Variants in BMP6 observed in about 807,000 individuals in gnomAD.
BMP6 encodes VG-1-R.
BMP6 carries 17 observed loss-of-function variants against 54.1 expected under a neutral mutation model. That is an observed-to-expected ratio of 0.31 (90% CI 0.22 to 0.47). BMP6 has a LOEUF of 0.47. Ranked by LOEUF, BMP6 falls within the 20% of genes least tolerant of loss-of-function variation. The pLI, the probability that BMP6 is intolerant of heterozygous loss-of-function variation, is 1.00. For synonymous variants in BMP6, 328 were observed against 291.2 expected (o/e 1.13, Z -1.28); for missense variants, 720 against 690.4 (o/e 1.04, Z -0.48).
intron 1 of BMP6, among the ~76,000 whole-genome samples, chr6:7,831,081 A>T (rs901961858): frequency 1.3e-5 from 2 of 152,248 alleles, no homozygotes; most frequent in South Asian, 4.1e-4. Context: ...TGGATAAACA[A>T]AATGTGGCAT....
intron 1 of BMP6, among the ~76,000 whole-genome samples, chr6:7,777,974 G>A (rs966550001): frequency 1.3e-5 from 2 of 152,090 alleles, no homozygotes; most frequent in African/African-American, 4.8e-5. Context: ...TTCCCAAAAT[G>A]AGTGCTAATA....
At chr6:7,839,610 G>A (rs2113247335) in intron 1 of BMP6, among the ~76,000 whole-genome samples, 1 of 152,290 alleles carries the variant, frequency 6.6e-6, no homozygotes, top group Admixed American at 6.5e-5. Flanking sequence ...AATGTCCTCG[G>A]GGTTCATGTG....
chr6:7,837,227 T>C (rs908389148), intron 1 of BMP6, among the ~76,000 whole-genome samples: 2 of 152,238 alleles, frequency 1.3e-5, no homozygotes, highest in African/African-American at 4.8e-5. Context: ...TTTGTGTTTG[T>C]AGTTTGAGAT....
intron 1 of BMP6, among the ~76,000 whole-genome samples, chr6:7,759,406 C>T (rs933933628): frequency 6.6e-6 from 1 of 152,070 alleles, no homozygotes; most frequent in African/African-American, 2.4e-5. Context: ...TTGAGGTCCT[C>T]GGCCACCACT....
intron 1 of BMP6, among the ~76,000 whole-genome samples, chr6:7,825,633 C>T (rs1758683026): frequency 6.6e-6 from 1 of 151,914 alleles, no homozygotes; most frequent in South Asian, 2.1e-4. Flanking sequence ...GGCAGGAGAG[C>T]CACTTGAACC....
intron 2 of BMP6, among the ~76,000 whole-genome samples, chr6:7,850,293 C>T (rs1759123695): frequency 6.6e-6 from 1 of 152,158 alleles, no homozygotes; most frequent in Admixed American, 6.5e-5. Context: ...CAGGCGCCCG[C>T]CACCATGCCT....
At chr6:7,747,248 C>T (rs1451644216) in intron 1 of BMP6, among the ~76,000 whole-genome samples, 2 of 152,184 alleles carry the variant, frequency 1.3e-5, no homozygotes, top group South Asian at 2.1e-4. Flanking sequence ...GAATATGCCA[C>T]CTTATATGGC....
At chr6:7,752,176 T>C (rs1351696551) in intron 1 of BMP6, among the ~76,000 whole-genome samples, 1 of 152,252 alleles carries the variant, frequency 6.6e-6, no homozygotes, top group African/African-American at 2.4e-5. Context: ...AGGTGTGATC[T>C]TTGTCTCAGC....
chr6:7,800,075 A>G (rs1300755386), intron 1 of BMP6, among the ~76,000 whole-genome samples: 1 of 132,508 alleles, frequency 7.5e-6, no homozygotes, highest in African/African-American at 3.1e-5. Flanking sequence ...ACGATAAAGG[A>G]AGGGGTGTGT....
chr6:7,734,182 G>C (rs1761918358), intron 1 of BMP6, among the ~76,000 whole-genome samples: 1 of 152,162 alleles, frequency 6.6e-6, no homozygotes, highest in Non-Finnish European at 1.5e-5. Context: ...TTTTTCTGGG[G>C]ACACGTATGC....
chr6:7,799,192 A>C (rs1270102258), intron 1 of BMP6, among the ~76,000 whole-genome samples: 1 of 152,114 alleles, frequency 6.6e-6, no homozygotes, highest in Non-Finnish European at 1.5e-5. Flanking sequence ...CAATGGAATA[A>C]CCTCATTTTA....
rs146357737 is a variant in BMP6, at chr6:7,805,202, C to T, written c.665-39938C>T. Reference sequence around the variant, plus strand: ...TATGAATCCTCCCTGAGGTCTTTTCCGTGTAAAAGAGCTCTGTTGGTTGCT... The same window carrying T: ...TATGAATCCTCCCTGAGGTCTTTTCTGTGTAAAAGAGCTCTGTTGGTTGCT... On this transcript the variant is annotated intron_variant, in intron 1 of 6. Transcript: ENST00000283147. Among the ~76,000 whole-genome samples the T allele has an allele frequency of 2.3e-3, 354 of 152,252 alleles. 2 individuals are homozygous for T. Among genetic ancestry groups the T allele is most frequent in the African/African-American group, 8.1e-3 (335 of 41,536 alleles).
chr6:7,827,248 C>A (rs1273080806), intron 1 of BMP6, among the ~76,000 whole-genome samples: 1 of 152,208 alleles, frequency 6.6e-6, no homozygotes, highest in African/African-American at 2.4e-5. Flanking sequence ...GGACCTGCTG[C>A]GCTTCAGGGG....
chr6:7,755,119 C>CT (rs976930246), intron 1 of BMP6, among the ~76,000 whole-genome samples: 7 of 152,174 alleles, frequency 4.6e-5, no homozygotes, highest in African/African-American at 1.7e-4. Flanking sequence ...TTGTTTATTT[C>CT]TTGAAGCAAC....
chr6:7,831,892 A>G lies in BMP6; in HGVS notation c.665-13248A>G, dbSNP rs1758799074. ...TGGAGGATACTGCAGAGCTCAGGAA[A>G]GAGCACGAAGCAGGACCCAGCCCTG... is the stretch of plus-strand genomic sequence containing the variant. On this transcript the variant is annotated intron_variant, in intron 1 of 6. Transcript: ENST00000283147. 3.9e-5 allele frequency among the ~76,000 whole-genome samples: 6 copies of G among 152,206 alleles called. No individual in the cohort carries two copies. In the South Asian group the frequency reaches 1.2e-3, roughly 32 times the overall value.
intron 1 of BMP6, among the ~76,000 whole-genome samples, chr6:7,742,829 A>G (rs1757288169): frequency 6.6e-6 from 1 of 152,226 alleles, no homozygotes; most frequent in African/African-American, 2.4e-5. Flanking sequence ...AGACTGCTAT[A>G]AAAGTTGTTT....
At chr6:7,790,030 C>T (rs529019136) in intron 1 of BMP6, among the ~76,000 whole-genome samples, 120 of 152,292 alleles carry the variant, frequency 7.9e-4, no homozygotes, top group Non-Finnish European at 1.6e-3. Flanking sequence ...TGCTCTGTTG[C>T]TCCTTCTCAG....
intron 1 of BMP6, among the ~76,000 whole-genome samples, chr6:7,808,245 T>A (rs891968007): frequency 6.6e-6 from 1 of 152,186 alleles, no homozygotes; most frequent in African/African-American, 2.4e-5. Flanking sequence ...AAAGAAAATA[T>A]GCATATAAAG....
rs116512807 is a variant in BMP6 at position 7,812,603 on chromosome 6, T to C, written c.665-32537T>C. Among the ~76,000 whole-genome samples, 388 of 152,294 alleles carry C rather than the reference T, an allele frequency of 2.5e-3. 1 individual carries two copies. Among genetic ancestry groups the C allele is most frequent in the African/African-American group, 9.0e-3 (372 of 41,540 alleles). The stretch of plus-strand genomic sequence containing the variant: ...TAAACAAAATTAAACATATACACAT[T>C]AACCCTCTGGTATATTTGTTGCAAA... On this transcript the variant is annotated intron_variant, in intron 1 of 6. Coordinates refer to ENST00000283147, the MANE Select transcript of BMP6 (RefSeq NM_001718.6).
Sources: allele counts gnomAD v4.1 joint callset (sites outside exome capture counted in the v4.1 genomes callset), GRCh38; gene constraint gnomAD v4.1.1; transcripts MANE v1.5; gene names NCBI Gene and HGNC (gene_info 2026-07-23, HGNC 2026-07-21).